The following GRIK2 variants were observed in gnomAD, a reference collection of about 807,000 sequenced individuals.
GRIK2 encodes glutamate ionotropic receptor kainate type subunit 2, also known as glutamate receptor ionotropic, kainate 2.
Under a neutral mutation model 100.3 loss-of-function variants are expected in GRIK2, and 32 were observed. The observed-to-expected ratio is 0.32, with a 90% confidence interval of 0.24 to 0.43. The LOEUF (loss-of-function observed/expected upper bound fraction) is 0.43. Ranked by LOEUF, GRIK2 falls within the 20% of genes least tolerant of loss-of-function variation. The pLI is 1.00. For synonymous variants in GRIK2, 417 were observed against 389.4 expected (o/e 1.07, Z -0.83); for missense variants, 843 against 1,114.9 (o/e 0.76, Z 3.47).
At chr6:102,024,160 G>C (rs1446770881) in intron 14 of GRIK2, among the ~76,000 whole-genome samples, 1 of 150,750 alleles carries the variant, frequency 6.6e-6, no homozygotes, top group Non-Finnish European at 1.5e-5. Context: ...TGACTGACAA[G>C]TCACTCTGAG....
rs555160906 is a variant in GRIK2, at chr6:101,492,859, A to G, written c.115+93467A>G. On this transcript the variant is annotated intron_variant, in intron 2 of 16. Transcript: ENST00000369134. ...CTGTGACTATTACAATTATATTTAG[A>G]AAAACAAATATGTTTATCATATTCC... Among the ~76,000 whole-genome samples, 5 of 152,160 alleles carry G rather than the reference A, an allele frequency of 3.3e-5. No individual in the cohort carries two copies. In the East Asian group the frequency reaches 7.7e-4, roughly 23 times the overall value.
At chr6:101,803,247 T>C (rs1179652661) in intron 9 of GRIK2, among the ~76,000 whole-genome samples, 1 of 151,906 alleles carries the variant, frequency 6.6e-6, no homozygotes, top group African/African-American at 2.4e-5. Flanking sequence ...TGCAGCTTTA[T>C]TTCTAGACAG....
intron 4 of GRIK2, among the ~76,000 whole-genome samples, chr6:101,656,675 C>T (rs1769209533): frequency 6.6e-6 from 1 of 152,102 alleles, no homozygotes; most frequent in African/African-American, 2.4e-5. Flanking sequence ...GCAAAGCTAC[C>T]TTAAAAAACA....
intron 7 of GRIK2, among the ~76,000 whole-genome samples, chr6:101,746,117 A>G (rs752404697): frequency 3.3e-5 from 5 of 152,158 alleles, no homozygotes; most frequent in Admixed American, 6.5e-5. Context: ...TGAAGAAATT[A>G]ATTTATTTAG....
At chr6:101,460,283 C>A (rs1283477372) in intron 2 of GRIK2, among the ~76,000 whole-genome samples, 6 of 152,152 alleles carry the variant, frequency 3.9e-5, no homozygotes, top group African/African-American at 1.2e-4. Context: ...GGTCTGTTTA[C>A]ACAAGGACAA....
chr6:101,969,599 A>G (rs1283204856), intron 14 of GRIK2, among the ~76,000 whole-genome samples: 1 of 152,042 alleles, frequency 6.6e-6, no homozygotes, highest in East Asian at 1.9e-4. Flanking sequence ...ATATGAAAGG[A>G]TAATTTCCGA....
At chr6:101,682,699 G>A (rs1771366369) in intron 6 of GRIK2, 93 bp downstream of exon 6, 1 of 607,034 alleles carries the variant, frequency 1.6e-6, no homozygotes, top group South Asian at 2.3e-5. Context: ...TATTATGACT[G>A]ATTCCTTTGT....
At chr6:101,695,846 A>T (rs1772448017) in intron 7 of GRIK2, among the ~76,000 whole-genome samples, 1 of 152,128 alleles carries the variant, frequency 6.6e-6, no homozygotes, top group South Asian at 2.1e-4. Flanking sequence ...ATCATTTAAC[A>T]CAAAGCCTAT....
chr6:101,793,697 G>A (rs569669815), intron 7 of GRIK2, among the ~76,000 whole-genome samples: 65 of 152,314 alleles, frequency 4.3e-4, no homozygotes, highest in Non-Finnish European at 6.0e-4. Context: ...CCCGTTCTCA[G>A]ATCTCCAGCT....
chr6:101,770,252 C>T (rs1778314364), intron 7 of GRIK2, among the ~76,000 whole-genome samples: 2 of 152,080 alleles, frequency 1.3e-5, no homozygotes, highest in Admixed American at 6.6e-5. Context: ...CCTCCTGTTG[C>T]TTATTTATCT....
intron 14 of GRIK2, among the ~76,000 whole-genome samples, chr6:101,999,628 A>G (rs1202139684): frequency 6.6e-6 from 1 of 152,026 alleles, no homozygotes. Context: ...TATGTTGTCT[A>G]TGGAAAAAAA....
intron 14 of GRIK2, among the ~76,000 whole-genome samples, chr6:101,992,956 T>C (rs1320021890): frequency 1.3e-5 from 2 of 151,616 alleles, no homozygotes. Context: ...TATGTGCATA[T>C]GTGTGCACAT....
chr6:101,971,613 G>C (rs573875927), intron 14 of GRIK2, among the ~76,000 whole-genome samples: 2 of 151,862 alleles, frequency 1.3e-5, no homozygotes, highest in African/African-American at 4.8e-5. Flanking sequence ...TCTGTTACAT[G>C]GGTATATTTG....
intron 14 of GRIK2, among the ~76,000 whole-genome samples, chr6:102,006,493 T>G (rs922963255): frequency 7.9e-5 from 12 of 151,032 alleles, no homozygotes; most frequent in African/African-American, 2.9e-4. Flanking sequence ...CTCAACCTCT[T>G]GAGTAGCTGG....
intron 10 of GRIK2, among the ~76,000 whole-genome samples, chr6:101,847,784 G>A (rs1783896102): frequency 6.6e-6 from 1 of 152,014 alleles, no homozygotes; most frequent in African/African-American, 2.4e-5. Flanking sequence ...TGCATGGACT[G>A]CTAGATTCCC....
At chr6:101,572,607 G>C (rs937822441) in intron 2 of GRIK2, among the ~76,000 whole-genome samples, 4 of 151,856 alleles carry the variant, frequency 2.6e-5, no homozygotes, top group Non-Finnish European at 5.9e-5. Flanking sequence ...GTAGATGTGT[G>C]TTCCTTTTAG....
intron 16 of GRIK2, among the ~76,000 whole-genome samples, chr6:102,064,501 C>CT (rs1183395460): frequency 1.7e-4 from 25 of 143,884 alleles, no homozygotes; most frequent in Middle Eastern, 3.6e-3. Flanking sequence ...CTTCTTTCTT[C>CT]TTTTTTTAGT....
chr6:101,601,814 TTC>T (rs1289705885), intron 2 of GRIK2, among the ~76,000 whole-genome samples: 1 of 151,788 alleles, frequency 6.6e-6, no homozygotes, highest in Non-Finnish European at 1.5e-5. Flanking sequence ...TATTTGGAGC[TTC>T]TCTTTTTTTC....
intron 7 of GRIK2, among the ~76,000 whole-genome samples, chr6:101,745,790 A>AAC (rs1444185038): frequency 6.6e-6 from 1 of 152,142 alleles, no homozygotes; most frequent in Non-Finnish European, 1.5e-5. Context: ...TTAATATTGT[A>AAC]ACACTTCAAT....
Sources: allele counts gnomAD v4.1 joint callset (sites outside exome capture counted in the v4.1 genomes callset), GRCh38; gene constraint gnomAD v4.1.1; transcripts MANE v1.5; gene names NCBI Gene and HGNC (gene_info 2026-07-23, HGNC 2026-07-21).